FRMD3: variants seen among roughly 807,000 people sequenced by gnomAD.
FRMD3 encodes FERM domain-containing protein 3.
FRMD3 carries 33 observed loss-of-function variants against 70.2 expected under a neutral mutation model. The observed-to-expected ratio is 0.47, with a 90% CI of 0.36 to 0.63. FRMD3 has a LOEUF of 0.63. FRMD3 is among the 20% of genes least tolerant of loss of function. The pLI, the probability that FRMD3 is intolerant of heterozygous loss-of-function variation, is 0.00. For missense variants in FRMD3, 632 were observed against 711.4 expected, an observed-to-expected ratio of 0.89 and a Z score of 1.27; for synonymous variants, 279 against 255.9, an observed-to-expected ratio of 1.09 and a Z score of -0.86.
intron 13 of FRMD3, among the ~76,000 whole-genome samples, chr9:83,263,628 G>C (rs1214010252): frequency 6.6e-6 from 1 of 152,074 alleles, no homozygotes; most frequent in Non-Finnish European, 1.5e-5. Context: ...TGGAAAGTAA[G>C]GCACAAAACT....
chr9:83,546,593 C>T, the FRMD3 span, among the ~76,000 whole-genome samples: 1 of 152,128 alleles, frequency 6.6e-6, no homozygotes, highest in Non-Finnish European at 1.5e-5. Context: ...AAAACAATTA[C>T]ACAGTTGAGA....
intron 1 of FRMD3, among the ~76,000 whole-genome samples, chr9:83,453,136 G>A (rs764978424): frequency 1.1e-4 from 17 of 152,242 alleles, no homozygotes; most frequent in Non-Finnish European, 1.9e-4. Context: ...GATTACAGGC[G>A]TAAGCCACTG....
At chr9:83,287,186 C>A (rs925325455) in intron 13 of FRMD3, among the ~76,000 whole-genome samples, 1 of 152,180 alleles carries the variant, frequency 6.6e-6, no homozygotes, top group Middle Eastern at 3.2e-3. Flanking sequence ...TGCCTCCAAC[C>A]CAGTGGTTTC....
chr9:83,537,149 A>G lies in FRMD3; in HGVS notation c.147+936T>C, dbSNP rs114151397. Among the ~76,000 whole-genome samples, 149 of 152,116 alleles carry G rather than the reference A, an allele frequency of 9.8e-4. 2 individuals carry two copies. Among genetic ancestry groups the G allele is most frequent in the African/African-American group, 2.7e-3 (111 of 41,498 alleles). On this transcript the variant is annotated intron_variant, in intron 1 of 13. Coordinates refer to ENST00000304195, the MANE Select transcript of FRMD3 (RefSeq NM_174938.6). The surrounding 1 kb of genome is among the most constrained non-coding windows in gnomAD (Gnocchi z 4.1). ...CTCCCACCTGCCTACATATTCACCCACAGCAAATATGCACACGCACGCGCA... is the reference window on the plus strand; with the variant it reads ...CTCCCACCTGCCTACATATTCACCCGCAGCAAATATGCACACGCACGCGCA...
intron 1 of FRMD3, among the ~76,000 whole-genome samples, chr9:83,497,044 G>A (rs567410449): frequency 2.0e-5 from 3 of 152,158 alleles, no homozygotes; most frequent in Non-Finnish European, 4.4e-5. Context: ...AACCTGGGAG[G>A]TGGAGGTTGC....
chr9:83,394,565 A>G lies in FRMD3; in HGVS notation c.148-4857T>C, dbSNP rs540344755. Among the ~76,000 whole-genome samples the G allele has an allele frequency of 4.9e-4, 74 of 152,318 alleles. No homozygotes were observed. The South Asian group carries it at 0.014, about 30-fold the overall frequency. ...TAGCTGCTCAATAAATGACAGCTAT[A>G]TACTGTTGTTGTTTGTAATATGATG... On this transcript the variant is annotated intron_variant, in intron 1 of 13. Coordinates refer to ENST00000304195, the MANE Select transcript of FRMD3 (RefSeq NM_174938.6).
downstream of FRMD3, among the ~76,000 whole-genome samples, chr9:83,244,027 C>T (rs1831967105): frequency 6.6e-6 from 1 of 151,994 alleles, no homozygotes; most frequent in Admixed American, 6.6e-5. Context: ...ACTCAGGAAG[C>T]TGAGGCAGGA....
At chr9:83,319,062 A>G (rs1835698257) in intron 6 of FRMD3, among the ~76,000 whole-genome samples, 1 of 151,990 alleles carries the variant, frequency 6.6e-6, no homozygotes, top group Admixed American at 6.6e-5. Flanking sequence ...TGTCAGACCC[A>G]TAGTTTGCAA....
At chr9:83,300,696 T>A (rs11140014) in intron 10 of FRMD3, among the ~76,000 whole-genome samples, 74,047 of 151,910 alleles carry the variant, frequency 0.49, 20,520 homozygotes, top group East Asian at 0.64. Context: ...TGAAATTTTT[T>A]AAAAATATAT....
chr9:83,407,050 C>T (rs1826124624), intron 1 of FRMD3, among the ~76,000 whole-genome samples: 1 of 152,154 alleles, frequency 6.6e-6, no homozygotes, highest in Non-Finnish European at 1.5e-5. Context: ...CGCTGCAGAT[C>T]CTGCTTCTGC....
chr9:83,492,027 T>C (rs890746374), intron 1 of FRMD3, among the ~76,000 whole-genome samples: 1 of 152,182 alleles, frequency 6.6e-6, no homozygotes, highest in Non-Finnish European at 1.5e-5. Flanking sequence ...ATTTGTAAAA[T>C]ATACAATCTA....
intron 6 of FRMD3, among the ~76,000 whole-genome samples, chr9:83,315,095 A>G (rs1239901758): frequency 6.6e-6 from 1 of 152,042 alleles, no homozygotes; most frequent in African/African-American, 2.4e-5. Flanking sequence ...TTCCAATGTA[A>G]TATCTATGTG....
chr9:83,283,030 CAAAAAA>C (rs533863285), intron 13 of FRMD3, among the ~76,000 whole-genome samples: 2 of 150,480 alleles, frequency 1.3e-5, no homozygotes, highest in Admixed American at 6.6e-5. Context: ...AATACAAAAA[CAAAAAA>C]AAGAAAAAGA....
At chr9:83,519,370 G>A (rs145531185) in intron 1 of FRMD3, among the ~76,000 whole-genome samples, 57 of 152,104 alleles carry the variant, frequency 3.7e-4, no homozygotes, top group African/African-American at 1.2e-3. Context: ...ACATTTATGC[G>A]GCCGCCAAAC....
At position 83,537,104 on chromosome 9, in the gene FRMD3, T is replaced by A. The variant is rs1217975925; in HGVS notation, c.147+981A>T. ...TGTGTGCGCACCGAGTGGGGCATCT[T>A]TGGGGTCCTGGAAGAGGGGCTCCCA... On this transcript the variant is annotated intron_variant, in intron 1 of 13. Coordinates refer to ENST00000304195, the MANE Select transcript of FRMD3 (RefSeq NM_174938.6). The surrounding 1 kb of genome is among the most constrained non-coding windows in gnomAD (Gnocchi z 4.1). Among the ~76,000 whole-genome samples the A allele has an allele frequency of 6.6e-6, 1 of 151,956 alleles. No individual in the cohort carries two copies. The highest frequency in any genetic ancestry group is 1.5e-5 in the Non-Finnish European group (1 of 67,996).
At chr9:83,286,828 T>C (rs896541122) in intron 13 of FRMD3, among the ~76,000 whole-genome samples, 1 of 152,160 alleles carries the variant, frequency 6.6e-6, no homozygotes, top group African/African-American at 2.4e-5. Context: ...GCAACAGTAT[T>C]ATGTAACTCT....
the FRMD3 span, among the ~76,000 whole-genome samples, chr9:83,554,600 C>G: frequency 6.6e-6 from 1 of 152,236 alleles, no homozygotes; most frequent in Non-Finnish European, 1.5e-5. Context: ...GCCTCCTCTT[C>G]TTGGGTCGAT....
chr9:83,487,111 A>G (rs1223194800), intron 1 of FRMD3, among the ~76,000 whole-genome samples: 1 of 152,178 alleles, frequency 6.6e-6, no homozygotes, highest in Non-Finnish European at 1.5e-5. Context: ...TTGACATGCT[A>G]TTTGTTTTCA....
chr9:83,400,254 T>C (rs1004255482), intron 1 of FRMD3, among the ~76,000 whole-genome samples: 4 of 152,096 alleles, frequency 2.6e-5, no homozygotes, highest in African/African-American at 7.2e-5. Flanking sequence ...AGACCAGCAA[T>C]GAACAATTGA....
Sources: allele counts gnomAD v4.1 joint callset (sites outside exome capture counted in the v4.1 genomes callset), GRCh38; gene constraint gnomAD v4.1.1; non-coding constraint Gnocchi (gnomAD v3.1); transcripts MANE v1.5; gene names NCBI Gene and HGNC (gene_info 2026-07-23, HGNC 2026-07-21).